The following KAZN variants were observed in gnomAD, a reference collection of about 807,000 sequenced individuals.
KAZN encodes the protein kazrin.
KAZN carries 40 observed loss-of-function variants against 87.4 expected under a neutral mutation model. The observed-to-expected ratio is 0.46, with a 90% confidence interval of 0.36 to 0.60. The LOEUF (loss-of-function observed/expected upper bound fraction) is 0.60, where lower values mean the gene tolerates loss of function less well. KAZN is among the 20% of genes least tolerant of loss of function. The pLI, the probability that KAZN is intolerant of heterozygous loss-of-function variation, is 0.00. For synonymous variants in KAZN, 466 were observed against 458.3 expected, an observed-to-expected ratio of 1.02 and a Z score of -0.22; for missense variants, 898 against 1,073.9, an observed-to-expected ratio of 0.84 and a Z score of 2.29.
chr1:14,435,483 C>A (rs10927433), intron 2 of KAZN, among the ~76,000 whole-genome samples: 1 of 152,184 alleles, frequency 6.6e-6, no homozygotes, highest in Non-Finnish European at 1.5e-5. Flanking sequence ...GCATGACCCG[C>A]GCCACCTGGC....
Position 14,343,541 on chromosome 1 carries a change from G to A in KAZN, c.249+162949G>A, listed in dbSNP as rs114356925. Among the ~76,000 whole-genome samples, 1,065 of 152,196 alleles carry A rather than the reference G, an allele frequency of 7.0e-3. 8 individuals carry two copies. Among genetic ancestry groups the A allele is most frequent in the South Asian group, 0.015 (74 of 4,826 alleles). ...CTCCAGGGTTTTCCACCTCCCTGTG[G>A]CACCATGTGTGATGCTTTTAAAACC... is the stretch of plus-strand genomic sequence containing the variant. On this transcript the variant is annotated intron_variant, in intron 2 of 16. Coordinates refer to the KAZN transcript ENST00000636203.
At chr1:14,272,905 C>T (rs548922606) in intron 2 of KAZN, among the ~76,000 whole-genome samples, 130 of 152,078 alleles carry the variant, frequency 8.5e-4, no homozygotes, top group African/African-American at 3.0e-3. Context: ...TAAATCTCAA[C>T]ATTGTGAATT....
rs115160605 is a variant in KAZN, at chr1:14,808,682, T to C, written c.227-152002T>C. On this transcript the variant is annotated intron_variant, in intron 1 of 14. Transcript: ENST00000376030. ...GACTCTGGGGGATGTCCATCTGAGA[T>C]GTATTATTACAAAAAGAAATTATAA... Among the ~76,000 whole-genome samples, 410 of 152,284 alleles carry C rather than the reference T, an allele frequency of 2.7e-3. 3 individuals are homozygous for C. Among genetic ancestry groups the C allele is most frequent in the Non-Finnish European group, 4.3e-3 (291 of 68,032 alleles).
rs1557586803 is a variant in KAZN, at chr1:14,883,405, A to AAGAAAGAAAGAAAGAAAGAAAG, written c.227-77258_227-77257insGAGAAAGAAAGAAAGAAAGAAA. Among the ~76,000 whole-genome samples the AAGAAAGAAAGAAAGAAAGAAAG allele has an allele frequency of 1.6e-3, 228 of 144,436 alleles. 7 individuals carry two copies. The highest frequency in any genetic ancestry group is 5.9e-3 in the African/African-American group (213 of 36,326). The allele number at this position is 144,436 out of a possible 152,430, so 94.8% of individuals were successfully genotyped here. A position where few individuals can be genotyped will look rare whatever the true frequency, so the allele number is the denominator to read the frequency against. On this transcript the variant is annotated intron_variant, in intron 1 of 14. Coordinates refer to ENST00000376030, the MANE Select transcript of KAZN (RefSeq NM_201628.3). ...AAAGAAAGAAAGAAAGAAAGAAAGA[A>AAGAAAGAAAGAAAGAAAGAAAG]AGAAAGAAAGAAAGAAAGAAAAGCG...
chr1:14,888,785 C>A (rs1654394112), intron 1 of KAZN, among the ~76,000 whole-genome samples: 1 of 152,110 alleles, frequency 6.6e-6, no homozygotes, highest in Non-Finnish European at 1.5e-5. Flanking sequence ...ACTACATTAT[C>A]CAGTGCAGCT....
intron 1 of KAZN, among the ~76,000 whole-genome samples, chr1:14,140,615 T>C (rs965556035): frequency 2.6e-5 from 4 of 152,158 alleles, no homozygotes; most frequent in Non-Finnish European, 5.9e-5. Context: ...TTTTTAGCTT[T>C]TGAACACATT....
At chr1:14,140,706 C>A (rs1645216437) in intron 1 of KAZN, among the ~76,000 whole-genome samples, 1 of 151,958 alleles carries the variant, frequency 6.6e-6, no homozygotes, top group Admixed American at 6.6e-5. Flanking sequence ...CACCCCCGCA[C>A]CCCTGCCTCC....
At chr1:13,947,718 G>A (rs527913870) in intron 1 of KAZN, among the ~76,000 whole-genome samples, 4 of 152,216 alleles carry the variant, frequency 2.6e-5, no homozygotes, top group East Asian at 1.9e-4. Flanking sequence ...AGGTGTCAGC[G>A]GTGTTAGTCT....
At chr1:14,178,679 A>G (rs185706417) in intron 1 of KAZN, among the ~76,000 whole-genome samples, 74 of 152,286 alleles carry the variant, frequency 4.9e-4, no homozygotes, top group African/African-American at 1.8e-3. Flanking sequence ...GTTTCTGTAT[A>G]CTGATTTTTC....
intron 1 of KAZN, among the ~76,000 whole-genome samples, chr1:14,911,038 T>C (rs770248225): frequency 6.6e-6 from 1 of 152,170 alleles, no homozygotes; most frequent in Non-Finnish European, 1.5e-5. Flanking sequence ...GTGCAGCAGT[T>C]TGAATCTGAG....
chr1:14,296,703 G>A (rs1399760244), intron 2 of KAZN, among the ~76,000 whole-genome samples: 4 of 131,086 alleles, frequency 3.1e-5, no homozygotes, highest in African/African-American at 9.0e-5. Context: ...TGGCATGATC[G>A]CAGCTTACTG....
chr1:15,116,304 T>C lies in KAZN; in HGVS notation c.*1669T>C, dbSNP rs1641841211. On this transcript the variant is annotated 3_prime_UTR_variant, in exon 15 of 15. Coordinates refer to ENST00000376030, the MANE Select transcript of KAZN (RefSeq NM_201628.3). Reference sequence around the variant, plus strand: ...CAACCTGGCAAATTGTTTCCTCTCATGGGGGAAGCCGAGCTCTGATGAACT... The same window carrying C: ...CAACCTGGCAAATTGTTTCCTCTCACGGGGGAAGCCGAGCTCTGATGAACT... 1 of 152,210 alleles carries C rather than the reference T, an allele frequency of 6.6e-6. No homozygotes were observed. Among genetic ancestry groups the C allele is most frequent in the African/African-American group, 2.4e-5 (1 of 41,448 alleles). 9.4% of individuals were successfully genotyped at this position (152,210 alleles called of 1,614,324 possible). A position where few individuals can be genotyped will look rare whatever the true frequency, so the allele number is the denominator to read the frequency against.
rs1645395715 is a variant in KAZN, at chr1:14,782,758, G to T, written c.227-177926G>T. ...AGGAGTCCCAATCTAGGAACTCTTA[G>T]TATGTTTCCTGATTAAGGCCATTTG... On this transcript the variant is annotated intron_variant, in intron 1 of 14. Transcript: ENST00000376030. 3.3e-5 allele frequency among the ~76,000 whole-genome samples: 5 copies of T among 152,206 alleles called. No individual in the cohort carries two copies. In the South Asian group the frequency reaches 1.0e-3, roughly 32 times the overall value.
chr1:14,046,859 A>G (rs1325209016), intron 1 of KAZN, among the ~76,000 whole-genome samples: 17 of 152,184 alleles, frequency 1.1e-4, no homozygotes, highest in Admixed American at 1.1e-3. Context: ...TCCTGAACAA[A>G]CATTACCCAA....
intron 1 of KAZN, among the ~76,000 whole-genome samples, chr1:14,905,450 A>G (rs1656411803): frequency 6.6e-6 from 1 of 152,198 alleles, no homozygotes; most frequent in Non-Finnish European, 1.5e-5. Context: ...CTGCACTGGA[A>G]AAAGGTCCCC....
At chr1:14,565,520 T>C (rs1280461848) in intron 2 of KAZN, among the ~76,000 whole-genome samples, 5 of 152,164 alleles carry the variant, frequency 3.3e-5, no homozygotes, top group Admixed American at 1.3e-4. Context: ...GGCAATTTCT[T>C]AAAATAAGAC....
intron 1 of KAZN, among the ~76,000 whole-genome samples, chr1:14,114,520 GC>G (rs1425218584): frequency 2.0e-5 from 3 of 151,888 alleles, no homozygotes; most frequent in East Asian, 3.9e-4. Context: ...CACCGTCGAT[GC>G]CCCCCATATC....
At chr1:14,548,360 G>A (rs999971685) in intron 2 of KAZN, among the ~76,000 whole-genome samples, 1 of 151,930 alleles carries the variant, frequency 6.6e-6, no homozygotes, top group African/African-American at 2.4e-5. Flanking sequence ...CACCATGCCT[G>A]GCTAATTTTT....
In KAZN at chr1:14,599,051, G is replaced by C; in HGVS notation, c.54G>C (p.Ser18=). ...LALRIDGAVQ[S]ASQEVTNLRA... ...TCCGCATCGATGGGGCGGTCCAGTC[G>C]GCCAGCCAGGAGGTGACCAACCTGC... The change falls in exon 1 of 15, where the codon TCG becomes TCC. Residue 18 remains serine (S), a synonymous_variant. Coordinates refer to ENST00000376030, the MANE Select transcript of KAZN (RefSeq NM_201628.3). This position sits in a 1 kb window ranked among gnomAD's most constrained non-coding sequence, Gnocchi z 4.4. The C allele has an allele frequency of 6.4e-7, 1 of 1,566,602 alleles. No individual in the cohort carries two copies. The highest frequency in any genetic ancestry group is 8.6e-7 in the Non-Finnish European group (1 of 1,160,768).
Sources: allele counts gnomAD v4.1 joint callset (sites outside exome capture counted in the v4.1 genomes callset), GRCh38; gene constraint gnomAD v4.1.1; non-coding constraint Gnocchi (gnomAD v3.1); transcripts MANE v1.5; gene names NCBI Gene and HGNC (gene_info 2026-07-23, HGNC 2026-07-21).